The following MIA2 variants were observed in gnomAD, a reference collection of about 807,000 sequenced individuals.
The protein encoded by MIA2 is melanoma inhibitory activity protein 2.
MIA2 carries 127 observed loss-of-function variants against 167.8 expected under a neutral mutation model. The observed-to-expected ratio is 0.76, with a 90% CI of 0.66 to 0.88. The LOEUF is 0.88. Ranked by LOEUF, MIA2 falls within the 40% of genes least tolerant of loss-of-function variation. The pLI is 0.00. For missense variants in MIA2, 1,690 were observed against 1,624.7 expected, an observed-to-expected ratio of 1.04 and a Z score of -0.69; for synonymous variants, 552 against 541.9, an observed-to-expected ratio of 1.02 and a Z score of -0.26.
downstream of MIA2, among the ~76,000 whole-genome samples, chr14:39,355,560 A>C (rs1385477390): frequency 6.6e-6 from 1 of 152,068 alleles, no homozygotes; most frequent in Non-Finnish European, 1.5e-5. Context: ...CTCCTGCCTG[A>C]TTGCCCTGGC....
intron 25 of MIA2, among the ~76,000 whole-genome samples, chr14:39,332,712 C>T (rs1406057865): frequency 6.6e-6 from 1 of 152,004 alleles, no homozygotes; most frequent in Non-Finnish European, 1.5e-5. Flanking sequence ...GGTGAGGTGA[C>T]GCCCACCCTG....
At chr14:39,314,335 C>T (rs1014863212) in intron 19 of MIA2, among the ~76,000 whole-genome samples, 3 of 149,724 alleles carry the variant, frequency 2.0e-5, no homozygotes, top group Admixed American at 1.3e-4. Context: ...TGCAGTGAGC[C>T]GAGATTACGC....
At chr14:39,266,143 A>G in intron 6 of MIA2, 2 of 985,356 alleles carry the variant, frequency 2.0e-6, no homozygotes, top group Non-Finnish European at 2.4e-6. Context: ...TCATCTATTG[A>G]GTTCTTTTGG....
chr14:39,349,373 AAGT>A (rs1251497862), intron 28 of MIA2, among the ~76,000 whole-genome samples: 1 of 152,204 alleles, frequency 6.6e-6, no homozygotes, highest in African/African-American at 2.4e-5. Flanking sequence ...TCTTTTTCAT[AAGT>A]AGTTCTGATG....
chr14:39,240,669 T>C, intron 3 of MIA2, 22 bp downstream of exon 3: 1 of 1,556,802 alleles, frequency 6.4e-7, no homozygotes, highest in Non-Finnish European at 8.8e-7. Flanking sequence ...CATTCTCAGT[T>C]GTTAATTGAA....
chr14:39,328,104 A>G (rs1189774929), intron 25 of MIA2, among the ~76,000 whole-genome samples: 3 of 152,156 alleles, frequency 2.0e-5, no homozygotes, highest in Admixed American at 2.0e-4. Context: ...AAGCGTTCCT[A>G]TTTCTTCACA....
chr14:39,272,450 C>T (rs1166229883), intron 6 of MIA2, among the ~76,000 whole-genome samples: 2 of 152,174 alleles, frequency 1.3e-5, no homozygotes, highest in Non-Finnish European at 2.9e-5. Flanking sequence ...AACAAGAAGG[C>T]AAGTTCTCAA....
intron 13 of MIA2, among the ~76,000 whole-genome samples, chr14:39,298,983 G>A (rs1198820483): frequency 6.7e-6 from 1 of 148,346 alleles, no homozygotes; most frequent in African/African-American, 2.5e-5. Flanking sequence ...AGTTGCTTGG[G>A]AGGGTGAGGT....
intron 23 of MIA2, among the ~76,000 whole-genome samples, chr14:39,375,200 A>T (rs934941924): frequency 1.3e-5 from 2 of 152,190 alleles, no homozygotes; most frequent in Admixed American, 6.5e-5. Context: ...TATTCCTTCA[A>T]TTCTAAGGAA....
chr14:39,315,774 G>A, intron 21 of MIA2, 56 bp downstream of exon 21: 1 of 1,166,022 alleles, frequency 8.6e-7, no homozygotes, highest in East Asian at 2.4e-5. Context: ...TTTTTCAGAA[G>A]ATACGTTGTT....
At chr14:39,246,246 A>G (rs1260112631) in intron 3 of MIA2, among the ~76,000 whole-genome samples, 2 of 151,900 alleles carry the variant, frequency 1.3e-5, no homozygotes, top group East Asian at 3.9e-4. Flanking sequence ...ACAGGCGCCC[A>G]CCACCATGCC....
chr14:39,296,600 CTTTTCT>C (rs1392278319), intron 13 of MIA2, among the ~76,000 whole-genome samples: 10 of 53,512 alleles, frequency 1.9e-4, no homozygotes, highest in Admixed American at 6.1e-4. Flanking sequence ...GTTTTCTTTT[CTTTTCT>C]TTTTTTTTTT....
At chr14:39,345,804 G>A in intron 25 of MIA2, 100 bp from the exon 26 acceptor site, 1 of 955,952 alleles carries the variant, frequency 1.0e-6, no homozygotes, top group Non-Finnish European at 1.5e-6. Flanking sequence ...GAGTTTAAGT[G>A]TTAGAATACA....
At chr14:39,263,664 C>G (rs1173115035) in intron 6 of MIA2, among the ~76,000 whole-genome samples, 1 of 135,980 alleles carries the variant, frequency 7.4e-6, no homozygotes, top group African/African-American at 2.8e-5. Context: ...CAGAGTTTCA[C>G]TCAGTCACCG....
At chr14:39,324,229 C>A (rs2067018423) in intron 24 of MIA2, among the ~76,000 whole-genome samples, 1 of 152,148 alleles carries the variant, frequency 6.6e-6, no homozygotes, top group South Asian at 2.1e-4. Context: ...GGAAGGAAAG[C>A]CTCTGAATGT....
At chr14:39,370,373 A>G (rs574845323) in intron 23 of MIA2, 5 of 227,202 alleles carry the variant, frequency 2.2e-5, no homozygotes, top group East Asian at 1.1e-4. Context: ...TTCTCCCACC[A>G]GGTCCTCATT....
intron 4 of MIA2, among the ~76,000 whole-genome samples, chr14:39,251,058 C>A (rs1055537730): frequency 6.6e-6 from 1 of 152,056 alleles, no homozygotes; most frequent in Non-Finnish European, 1.5e-5. Flanking sequence ...AGTTAAACAG[C>A]CAATCTTTTC....
intron 6 of MIA2, chr14:39,266,269 A>T: frequency 2.0e-6 from 2 of 982,832 alleles, no homozygotes; most frequent in Non-Finnish European, 2.4e-6. Flanking sequence ...CATATATATG[A>T]GATGGGTTAT....
intron 25 of MIA2, among the ~76,000 whole-genome samples, chr14:39,340,775 A>T (rs564422715): frequency 7.9e-4 from 120 of 152,284 alleles, no homozygotes; most frequent in African/African-American, 2.8e-3. Context: ...TTAATCACTT[A>T]TGTCTTATAT....
Sources: gnomAD v4.1 joint callset for allele counts (sites outside exome capture counted in the v4.1 genomes callset) on GRCh38, gnomAD v4.1.1 for gene constraint, MANE v1.5 for transcripts, NCBI Gene and HGNC (gene_info 2026-07-23, HGNC 2026-07-21) for gene names.